The following ARNT variants were observed in gnomAD, a reference collection of about 807,000 sequenced individuals.
ARNT encodes class E basic helix-loop-helix protein 2.
ARNT carries 30 observed loss-of-function variants against 105.0 expected under a neutral mutation model. That is an observed-to-expected ratio of 0.29 (90% CI 0.21 to 0.39). The LOEUF is 0.39. Among genes scored for constraint, ARNT ranks in the 10% least tolerant of loss-of-function variants. ARNT has a pLI of 1.00. For missense variants in ARNT, 748 were observed against 978.7 expected, an observed-to-expected ratio of 0.76 and a Z score of 3.15; for synonymous variants, 304 against 344.0, an observed-to-expected ratio of 0.88 and a Z score of 1.29.
intron 8 of ARNT, 80 bp from the exon 9 acceptor site, chr1:150,832,479 G>T: frequency 7.6e-7 from 1 of 1,307,416 alleles, no homozygotes; most frequent in Non-Finnish European, 1.1e-6. Context: ...AGAATAACAT[G>T]CTCTGGATAC....
At chr1:150,827,614 T>G (rs2089082) in intron 12 of ARNT, among the ~76,000 whole-genome samples, 52,355 of 152,072 alleles carry the variant, frequency 0.34, 9,346 homozygotes, top group South Asian at 0.53. Flanking sequence ...TTTTTGGCTA[T>G]TATGAATAAT....
At position 150,810,042 on chromosome 1, in the gene ARNT, T is replaced by C. The variant is rs1270237015; in HGVS notation, c.*1979A>G. The C allele has an allele frequency of 1.7e-5, 4 of 228,890 alleles. No homozygotes were observed. The highest frequency in any genetic ancestry group is 5.7e-5 in the Admixed American group (1 of 17,616). The allele number at this position is 228,890 out of a possible 1,614,324, so 14.2% of individuals were successfully genotyped here. A position where few individuals can be genotyped will look rare whatever the true frequency, so the allele number is the denominator to read the frequency against. ...TCTGGTTGTGGGTGCCTGTTGTTTA[T>C]GAACTGGAAAGGAATGATAAAGCCG... On this transcript the variant is annotated 3_prime_UTR_variant, in exon 22 of 22. Coordinates refer to ENST00000358595, the MANE Select transcript of ARNT (RefSeq NM_001668.4).
rs765586486 is a variant in ARNT at position 150,813,286 on chromosome 1, A to G, written c.2166T>C (p.Gly722=). Residue 722 remains glycine (G), a synonymous_variant, in exon 21 of 22, where the codon GGT becomes GGC. Coordinates refer to ENST00000358595, the MANE Select transcript of ARNT (RefSeq NM_001668.4). ...CCTGCCACTGTGGCCAGACACCCAC[A>G]CCCTCTGCTGTCCGTGTCTGGAATT... The part of the protein sequence containing the change: ...AGQFQTRTAE[G]VGVWPQWQGQ... 1.6e-4 allele frequency: 260 copies of G among 1,613,484 alleles called. No homozygotes were observed. The highest frequency in any genetic ancestry group is 2.0e-4 in the Non-Finnish European group (236 of 1,179,872).
chr1:150,865,565 A>G (rs768796495), intron 1 of ARNT, among the ~76,000 whole-genome samples: 2 of 152,234 alleles, frequency 1.3e-5, no homozygotes, highest in South Asian at 4.1e-4. Flanking sequence ...GGATTCCTAG[A>G]TCCTTTTCTC....
intron 13 of ARNT, among the ~76,000 whole-genome samples, chr1:150,826,159 C>A (rs1365865212): frequency 6.6e-6 from 1 of 152,194 alleles, no homozygotes; most frequent in African/African-American, 2.4e-5. Flanking sequence ...AAGTGATCCA[C>A]CTGCCTCAGC....
intron 1 of ARNT, among the ~76,000 whole-genome samples, 188 bp downstream of exon 1, chr1:150,876,355 C>T (rs1186313999): frequency 1.3e-5 from 2 of 152,076 alleles, no homozygotes; most frequent in Non-Finnish European, 2.9e-5. Flanking sequence ...CTTGGGTATA[C>T]TCGAGTCTAC....
chr1:150,842,216 T>A (rs587645347), intron 5 of ARNT: 1 of 970,718 alleles, frequency 1.0e-6, no homozygotes, highest in South Asian at 4.8e-5. Flanking sequence ...ATTTCTTAAA[T>A]CCCTAAGCAA....
intron 7 of ARNT, 200 bp from the exon 8 acceptor site, chr1:150,834,840 G>A (rs974936951): frequency 1.6e-5 from 8 of 492,204 alleles, no homozygotes; most frequent in Non-Finnish European, 3.0e-5. Context: ...TCACTCTTAA[G>A]TTCAAAGGCA....
chr1:150,826,619 T>A lies in ARNT; in HGVS notation c.1168-2A>T. 6.2e-7 allele frequency: 1 copy of A among 1,604,476 alleles called. No homozygotes were observed. The highest frequency in any genetic ancestry group is 8.5e-7 in the Non-Finnish European group (1 of 1,172,556). ...TACAATATTCTTTCCTAAGAGTTCC[T>A]AGAATACAGAAAGAAGAGTAAGATA... On this transcript the variant is annotated splice_acceptor_variant, in intron 12 of 21. Coordinates refer to ENST00000358595, the MANE Select transcript of ARNT (RefSeq NM_001668.4). LOFTEE classifies it high-confidence loss of function.
intron 1 of ARNT, among the ~76,000 whole-genome samples, chr1:150,865,081 AGTAG>A (rs1013078428): frequency 1.3e-5 from 2 of 151,962 alleles, no homozygotes; most frequent in Non-Finnish European, 1.5e-5. Context: ...AAGTAATAGA[AGTAG>A]GAAGACAAGA....
chr1:150,876,579 C>T lies in ARNT; in HGVS notation c.-12G>A. 2 of 1,514,274 alleles carry T rather than the reference C, an allele frequency of 1.3e-6. No homozygotes were observed. Among genetic ancestry groups the T allele is most frequent in the Non-Finnish European group, 1.8e-6 (2 of 1,132,972 alleles). 93.8% of individuals were successfully genotyped at this position (1,514,274 alleles called of 1,614,324 possible). On this transcript the variant is annotated 5_prime_UTR_variant, in exon 1 of 22. Transcript: ENST00000358595. ...GTAGTCGCCGCCATGGCCGCAGATG[C>T]CACCGCCGCCGCGCCACCCCCCCCC...
At chr1:150,835,782 A>G (rs1660209165) in intron 7 of ARNT, among the ~76,000 whole-genome samples, 2 of 151,730 alleles carry the variant, frequency 1.3e-5, no homozygotes, top group Admixed American at 6.6e-5. Context: ...AAGACTGAAC[A>G]TAATAAAATA....
At chr1:150,821,184 A>G (rs1002755167) in intron 14 of ARNT, among the ~76,000 whole-genome samples, 1 of 152,246 alleles carries the variant, frequency 6.6e-6, no homozygotes, top group African/African-American at 2.4e-5. Context: ...TGAGTCATCT[A>G]TATGAAGTGG....
At chr1:150,852,852 A>G (rs763222414) in intron 2 of ARNT, 46 bp from the exon 3 acceptor site, 1 of 1,606,308 alleles carries the variant, frequency 6.2e-7, no homozygotes, top group Non-Finnish European at 8.5e-7. Flanking sequence ...TGATAATACA[A>G]AACATTAAGA....
intron 2 of ARNT, among the ~76,000 whole-genome samples, chr1:150,857,957 A>G (rs1664929518): frequency 6.6e-6 from 1 of 152,196 alleles, no homozygotes; most frequent in Non-Finnish European, 1.5e-5. Context: ...ACATATCAAT[A>G]ACTTAGAAGA....
At chr1:150,852,037 C>T (rs369284981) in intron 3 of ARNT, among the ~76,000 whole-genome samples, 2 of 137,970 alleles carry the variant, frequency 1.4e-5, no homozygotes, top group Non-Finnish European at 3.2e-5. Flanking sequence ...AGCAAGACTC[C>T]GTCTCAAAAA....
intron 3 of ARNT, among the ~76,000 whole-genome samples, chr1:150,851,866 T>C (rs1303826681): frequency 3.3e-5 from 5 of 150,708 alleles, no homozygotes; most frequent in Admixed American, 3.3e-4. Context: ...AAAAAGAAAA[T>C]TAATAAAAAA....
chr1:150,837,511 A>G (rs1028835258), intron 6 of ARNT, among the ~76,000 whole-genome samples: 1 of 152,172 alleles, frequency 6.6e-6, no homozygotes, highest in Non-Finnish European at 1.5e-5. Flanking sequence ...AATGTCGTCC[A>G]TCTTATCCTT....
intron 4 of ARNT, among the ~76,000 whole-genome samples, chr1:150,842,784 C>G (rs1290296865): frequency 6.6e-6 from 1 of 152,120 alleles, no homozygotes; most frequent in Non-Finnish European, 1.5e-5. Context: ...GATCTAAACA[C>G]AGAAAGCATT....
Sources: allele counts gnomAD v4.1 joint callset (sites outside exome capture counted in the v4.1 genomes callset), GRCh38; gene constraint gnomAD v4.1.1; transcripts MANE v1.5; gene names NCBI Gene and HGNC (gene_info 2026-07-23, HGNC 2026-07-21).